The following LEKR1 variants were observed in gnomAD, a reference collection of about 807,000 sequenced individuals.
LEKR1 encodes protein LEKR1.
Under a neutral mutation model 72.4 loss-of-function variants are expected in LEKR1, and 59 were observed. That is an observed-to-expected ratio of 0.82 (90% CI 0.66 to 1.01). LEKR1 has a LOEUF of 1.01. Ranked by LOEUF, LEKR1 falls within the 50% of genes least tolerant of loss-of-function variation. The pLI is 0.00. For missense variants in LEKR1, 728 were observed against 759.2 expected (o/e 0.96, Z 0.48); for synonymous variants, 257 against 263.2 (o/e 0.98, Z 0.23).
Position 156,942,649 on chromosome 3 carries a change from G to C in LEKR1, c.680G>C (p.Arg227Pro). ...DAAILRSQQI[R>P]TSRQQEVNLQ... ...GCCATATTGAGATCTCAGCAGATTCGGACATCTAGACAACAGGAAGTAAAC... is the reference window on the plus strand; with the variant it reads ...GCCATATTGAGATCTCAGCAGATTCCGACATCTAGACAACAGGAAGTAAAC... Residue 227 changes from arginine to proline, a missense_variant, in exon 6 of 13, where the codon CGG becomes CCG. Arg to Pro is a moderately radical substitution (Grantham distance 103, BLOSUM62 -2). Transcript: ENST00000356539. The C allele has an allele frequency of 1.0e-5, 13 of 1,269,576 alleles. No homozygotes were observed. The highest frequency in any genetic ancestry group is 1.3e-5 in the Non-Finnish European group (13 of 981,724). The allele number at this position is 1,269,576 out of a possible 1,614,324, so 78.6% of individuals were successfully genotyped here.
chr3:156,940,580 G>C (rs1365315315), intron 5 of LEKR1, among the ~76,000 whole-genome samples: 1 of 152,168 alleles, frequency 6.6e-6, no homozygotes, highest in Non-Finnish European at 1.5e-5. Flanking sequence ...ACCCAGGATT[G>C]CCATAGGCAA....
At chr3:156,953,232 A>C (rs1202979104) in intron 6 of LEKR1, among the ~76,000 whole-genome samples, 6 of 151,448 alleles carry the variant, frequency 4.0e-5, no homozygotes. Context: ...AATATAGAGC[A>C]TTCTCATATA....
chr3:156,970,943 C>G (rs1261137863), intron 6 of LEKR1, among the ~76,000 whole-genome samples: 1 of 151,640 alleles, frequency 6.6e-6, no homozygotes. Context: ...CAATGCCATC[C>G]CCATCAAGCT....
At chr3:156,931,940 A>G (rs990960100) in intron 5 of LEKR1, among the ~76,000 whole-genome samples, 7 of 152,262 alleles carry the variant, frequency 4.6e-5, no homozygotes, top group African/African-American at 9.6e-5. Context: ...ACACTCATCT[A>G]TTGGTGCACT....
intron 2 of LEKR1, among the ~76,000 whole-genome samples, chr3:156,837,079 A>T (rs1713244640): frequency 1.3e-5 from 2 of 152,202 alleles, no homozygotes; most frequent in South Asian, 2.1e-4. Flanking sequence ...AATTCCTTTT[A>T]AAAAAAATGG....
At chr3:156,978,197 C>T (rs1729871073) in intron 6 of LEKR1, among the ~76,000 whole-genome samples, 1 of 151,966 alleles carries the variant, frequency 6.6e-6, no homozygotes, top group Non-Finnish European at 1.5e-5. Flanking sequence ...CTAATTAAAA[C>T]ATTTGTTTAG....
chr3:156,936,465 A>ACACACACC (rs1553807828), intron 5 of LEKR1, among the ~76,000 whole-genome samples: 1 of 133,318 alleles, frequency 7.5e-6, no homozygotes, highest in African/African-American at 2.9e-5. Context: ...ACACACACAC[A>ACACACACC]CCCCCCGTAT....
intron 3 of LEKR1, among the ~76,000 whole-genome samples, chr3:156,882,067 T>A (rs1163274142): frequency 5.8e-5 from 8 of 138,852 alleles, no homozygotes; most frequent in African/African-American, 8.0e-5. Flanking sequence ...AACCTAGGCA[T>A]TACCATTCAG....
chr3:157,006,852 A>G (rs542126690), intron 9 of LEKR1, among the ~76,000 whole-genome samples: 2 of 133,298 alleles, frequency 1.5e-5, no homozygotes, highest in Admixed American at 1.7e-4. Context: ...AGACGAATCT[A>G]TAGTGACAGA....
chr3:157,028,011 G>A lies in LEKR1; in HGVS notation c.1369-92G>A, dbSNP rs1734329976. 3 of 829,470 alleles carry A rather than the reference G, an allele frequency of 3.6e-6. No homozygotes were observed. In the South Asian group the frequency reaches 5.6e-5, roughly 15 times the overall value. The allele number at this position is 829,470 out of a possible 1,614,324, so 51.4% of individuals were successfully genotyped here. ...TTTCATCTGATCAAGTGAGTACACTGATTAATGAAAATAAACCTCTTAAAA... is the reference window on the plus strand; with the variant it reads ...TTTCATCTGATCAAGTGAGTACACTAATTAATGAAAATAAACCTCTTAAAA... On this transcript the variant is annotated intron_variant, in intron 11 of 12. Transcript: ENST00000356539.
chr3:156,850,071 A>T (rs1715158325), intron 2 of LEKR1, among the ~76,000 whole-genome samples: 1 of 152,124 alleles, frequency 6.6e-6, no homozygotes, highest in South Asian at 2.1e-4. Context: ...AGAAAAAAAC[A>T]AACAATCCCA....
At chr3:156,862,299 G>C (rs1716861370) in intron 3 of LEKR1, among the ~76,000 whole-genome samples, 1 of 151,738 alleles carries the variant, frequency 6.6e-6, no homozygotes, top group South Asian at 2.1e-4. Context: ...TTTCCACTTT[G>C]AATTTCCCTT....
chr3:156,833,754 C>G (rs970727983), intron 2 of LEKR1, among the ~76,000 whole-genome samples: 55 of 152,144 alleles, frequency 3.6e-4, no homozygotes, highest in African/African-American at 1.3e-3. Context: ...TGTCAAATAT[C>G]AAAGGTTTAG....
At chr3:156,934,584 G>T (rs956018451) in intron 5 of LEKR1, among the ~76,000 whole-genome samples, 7 of 152,048 alleles carry the variant, frequency 4.6e-5, no homozygotes, top group African/African-American at 1.7e-4. Context: ...GAATTTATAA[G>T]AGGAAAATAT....
chr3:156,952,961 G>A (rs1727299262), intron 6 of LEKR1, among the ~76,000 whole-genome samples: 1 of 151,336 alleles, frequency 6.6e-6, no homozygotes, highest in South Asian at 2.1e-4. Context: ...ACAAAGAAAG[G>A]AAGATACATA....
At chr3:156,893,478 T>C (rs1370406787) in intron 3 of LEKR1, among the ~76,000 whole-genome samples, 1 of 152,142 alleles carries the variant, frequency 6.6e-6, no homozygotes, top group Non-Finnish European at 1.5e-5. Flanking sequence ...TAATTCCCAG[T>C]GTTGGAGGTG....
chr3:156,896,444 A>G (rs535410785), intron 3 of LEKR1, among the ~76,000 whole-genome samples: 3 of 152,254 alleles, frequency 2.0e-5, no homozygotes, highest in Non-Finnish European at 2.9e-5. Flanking sequence ...GCCAAAAAGC[A>G]TATGAAAAAA....
intron 3 of LEKR1, among the ~76,000 whole-genome samples, chr3:156,895,192 G>T (rs993235702): frequency 1.3e-5 from 2 of 151,994 alleles, no homozygotes; most frequent in African/African-American, 4.8e-5. Context: ...AAATTTACAA[G>T]AAAAAACAAC....
intron 9 of LEKR1, among the ~76,000 whole-genome samples, chr3:156,999,305 G>T (rs1431567856): frequency 6.6e-6 from 1 of 152,178 alleles, no homozygotes; most frequent in Non-Finnish European, 1.5e-5. Context: ...CAAGAGGTTT[G>T]TAGTCTCCTG....
Sources: gnomAD v4.1 joint callset for allele counts (sites outside exome capture counted in the v4.1 genomes callset) on GRCh38, gnomAD v4.1.1 for gene constraint, MANE v1.5 for transcripts, NCBI Gene and HGNC (gene_info 2026-07-23, HGNC 2026-07-21) for gene names.